The following WIPF3 variants were observed in gnomAD, a reference collection of about 807,000 sequenced individuals.
The protein encoded by WIPF3 is WAS/WASL interacting protein family member 3, also known as WAS/WASL-interacting protein family member 3.
A neutral mutation model predicts 38.9 loss-of-function variants in WIPF3; 33 were observed. That is an observed-to-expected ratio of 0.85 (90% CI 0.64 to 1.14). The LOEUF (loss-of-function observed/expected upper bound fraction) is 1.14, where lower values mean the gene tolerates loss of function less well. WIPF3 is among the 50% of genes most tolerant of loss of function. The probability of loss-of-function intolerance (pLI) is 0.00; values close to 1 mark genes in which losing one functional copy is unlikely to be tolerated. For synonymous variants in WIPF3, 324 were observed against 269.3 expected (o/e 1.20, Z -1.99); for missense variants, 711 against 652.5 (o/e 1.09, Z -0.98).
chr7:29,871,876 G>C (rs1313004570), intron 2 of WIPF3, among the ~76,000 whole-genome samples: 2 of 152,190 alleles, frequency 1.3e-5, no homozygotes, highest in African/African-American at 4.8e-5. Context: ...ATGAGCTAAG[G>C]TGAACGTCTA....
chr7:29,862,622 C>A (rs777126428), intron 2 of WIPF3, among the ~76,000 whole-genome samples: 11 of 152,096 alleles, frequency 7.2e-5, no homozygotes, highest in African/African-American at 2.7e-4. Context: ...AGTTTGTGTC[C>A]GTTAATGGGG....
intron 2 of WIPF3, among the ~76,000 whole-genome samples, chr7:29,846,526 C>T (rs1194849113): frequency 6.6e-6 from 1 of 152,202 alleles, no homozygotes; most frequent in Non-Finnish European, 1.5e-5. Context: ...TATGGTGAAA[C>T]CCGATCTCTA....
intron 7 of WIPF3, among the ~76,000 whole-genome samples, chr7:29,903,430 A>G (rs1786327352): frequency 6.6e-6 from 1 of 152,094 alleles, no homozygotes; most frequent in Non-Finnish European, 1.5e-5. Flanking sequence ...TAAATAGTCT[A>G]TAATGAACAT....
chr7:29,859,347 G>C (rs950371114), intron 2 of WIPF3, among the ~76,000 whole-genome samples: 4 of 152,190 alleles, frequency 2.6e-5, no homozygotes, highest in Non-Finnish European at 5.9e-5. Context: ...AAGATCAAAG[G>C]CCATCTGAGG....
At chr7:29,826,780 G>A (rs1159553268) in intron 1 of WIPF3, among the ~76,000 whole-genome samples, 2 of 152,160 alleles carry the variant, frequency 1.3e-5, no homozygotes, top group African/African-American at 4.8e-5. Flanking sequence ...TGTGAGTTTA[G>A]GAGGTATGCG....
At position 29,916,880 on chromosome 7, in the gene WIPF3, A is replaced by AC. The variant is rs1477972688; in HGVS notation, c.*2368dup. On this transcript the variant is annotated 3_prime_UTR_variant, in exon 9 of 9. Coordinates refer to ENST00000242140, the MANE Select transcript of WIPF3 (RefSeq NM_001080529.3). ...GTCCCTTGGGCGCTGTAAAGGTTTA[A>AC]CCCCTTGACTGTAAACTCAGACTTA... 6.6e-6 allele frequency: 1 copy of AC among 151,866 alleles called. No individual in the cohort carries two copies. The highest frequency in any genetic ancestry group is 1.9e-4 in the East Asian group (1 of 5,180). 9.4% of individuals were successfully genotyped at this position (151,866 alleles called of 1,614,324 possible). A position where few individuals can be genotyped will look rare whatever the true frequency, so the allele number is the denominator to read the frequency against.
rs934049325 is a variant in WIPF3 at position 29,878,639 on chromosome 7, G to A, written c.224-370G>A. Among the ~76,000 whole-genome samples, 15 of 151,628 alleles carry A rather than the reference G, an allele frequency of 9.9e-5. No homozygotes were observed. The highest frequency in any genetic ancestry group is 2.9e-4 in the African/African-American group (12 of 41,194). On this transcript the variant is annotated intron_variant, in intron 3 of 8. Transcript: ENST00000242140. The surrounding 1 kb of genome is among the most constrained non-coding windows in gnomAD (Gnocchi z 4.0). ...TCTTTGTCTAGTCCTCCATAGCCAA[G>A]TTGAAAATAAGAGCAGCTCTACACC...
chr7:29,879,778 T>A (rs67601088), intron 4 of WIPF3, among the ~76,000 whole-genome samples: 24,687 of 152,076 alleles, frequency 0.16, 2,225 homozygotes, highest in African/African-American at 0.24. Flanking sequence ...GGTCTCTCAG[T>A]ATCCAGCAGG....
At chr7:29,839,971 T>A (rs184607553) in intron 2 of WIPF3, among the ~76,000 whole-genome samples, 20 of 152,372 alleles carry the variant, frequency 1.3e-4, no homozygotes, top group African/African-American at 3.1e-4. Flanking sequence ...ATAAATATTT[T>A]GTGGAAGTTT....
At chr7:29,808,158 G>T (rs946015780) in intron 1 of WIPF3, among the ~76,000 whole-genome samples, 2 of 152,186 alleles carry the variant, frequency 1.3e-5, no homozygotes, top group African/African-American at 4.8e-5. Flanking sequence ...TTCTACCTCA[G>T]TGAAAAAGTA....
At chr7:29,813,876 A>G (rs993744396) in intron 1 of WIPF3, among the ~76,000 whole-genome samples, 1 of 151,874 alleles carries the variant, frequency 6.6e-6, no homozygotes, top group Admixed American at 6.6e-5. Flanking sequence ...TTCTATAGAT[A>G]TTTGCTATAA....
intron 2 of WIPF3, among the ~76,000 whole-genome samples, chr7:29,841,158 T>A (rs1339206732): frequency 6.6e-6 from 1 of 152,152 alleles, no homozygotes. Context: ...TTTTATTATA[T>A]GTAATCTTTG....
chr7:29,851,631 G>A (rs967813974), intron 2 of WIPF3, among the ~76,000 whole-genome samples: 7 of 152,210 alleles, frequency 4.6e-5, no homozygotes, highest in Non-Finnish European at 7.3e-5. Context: ...TGGAAGGCTC[G>A]GTGGACTTTA....
intron 1 of WIPF3, among the ~76,000 whole-genome samples, chr7:29,831,248 T>C (rs1008460435): frequency 5.9e-5 from 9 of 152,174 alleles, no homozygotes; most frequent in African/African-American, 2.2e-4. Flanking sequence ...ATGGAGAAAA[T>C]ATAAGTGTTT....
At chr7:29,863,963 T>A (rs1785344486) in intron 2 of WIPF3, among the ~76,000 whole-genome samples, 1 of 152,212 alleles carries the variant, frequency 6.6e-6, no homozygotes, top group Non-Finnish European at 1.5e-5. Context: ...TAGAAAATCA[T>A]GTTGTCTGAG....
chr7:29,809,793 G>A (rs1784342068), intron 1 of WIPF3, among the ~76,000 whole-genome samples: 1 of 152,240 alleles, frequency 6.6e-6, no homozygotes, highest in Non-Finnish European at 1.5e-5. Flanking sequence ...CTAAAGCAGA[G>A]TAAACGTGAC....
intron 8 of WIPF3, 48 bp from the exon 9 acceptor site, chr7:29,914,445 C>A: frequency 7.0e-7 from 1 of 1,436,800 alleles, no homozygotes; most frequent in South Asian, 1.5e-5. Flanking sequence ...CTTTCATGTG[C>A]AAGAGTCTTC....
Position 29,863,889 on chromosome 7 carries a change from G to T in WIPF3, c.91-11941G>T, listed in dbSNP as rs545952019. ...TTTTGCTGGTACAGTATATAGTTTTGTGTACTGACCTGGTATCTTATGACC... is the reference window on the plus strand; with the variant it reads ...TTTTGCTGGTACAGTATATAGTTTTTTGTACTGACCTGGTATCTTATGACC... On this transcript the variant is annotated intron_variant, in intron 2 of 8. Transcript: ENST00000242140. Among the ~76,000 whole-genome samples, 4 of 152,174 alleles carry T rather than the reference G, an allele frequency of 2.6e-5. No homozygotes were observed. In the South Asian group the frequency reaches 8.3e-4, roughly 32 times the overall value.
chr7:29,910,925 G>A (rs1315301507), intron 8 of WIPF3, among the ~76,000 whole-genome samples: 2 of 151,968 alleles, frequency 1.3e-5, no homozygotes, highest in Admixed American at 6.6e-5. Flanking sequence ...GAGCAAAGTT[G>A]GGCAAGAAAA....
Sources: gnomAD v4.1 joint callset for allele counts (sites outside exome capture counted in the v4.1 genomes callset) on GRCh38, gnomAD v4.1.1 for gene constraint, Gnocchi (gnomAD v3.1) non-coding constraint, MANE v1.5 for transcripts, NCBI Gene and HGNC (gene_info 2026-07-23, HGNC 2026-07-21) for gene names.